Variants in ESRRG observed in about 807,000 individuals in gnomAD.
ESRRG encodes the protein estrogen related receptor gamma.
Under a neutral mutation model 44.0 loss-of-function variants are expected in ESRRG, and 13 were observed. The observed-to-expected ratio is 0.30, with a 90% CI of 0.19 to 0.47. The LOEUF is 0.47. Among genes scored for constraint, ESRRG ranks in the 20% least tolerant of loss-of-function variants. The pLI is 1.00. For synonymous variants in ESRRG, 215 were observed against 214.6 expected (o/e 1.00, Z -0.02); for missense variants, 395 against 580.6 (o/e 0.68, Z 3.29).
At chr1:216,786,568 A>G (rs560902183) in intron 2 of ESRRG, among the ~76,000 whole-genome samples, 4 of 152,252 alleles carry the variant, frequency 2.6e-5, no homozygotes, top group Admixed American at 1.3e-4. Context: ...ACATAAGATA[A>G]TATAGAAAAT....
At chr1:216,845,708 A>G (rs1335767486) in intron 2 of ESRRG, among the ~76,000 whole-genome samples, 1 of 152,088 alleles carries the variant, frequency 6.6e-6, no homozygotes, top group Non-Finnish European at 1.5e-5. Context: ...GGAACTTTCT[A>G]ACTCATCCTA....
rs369793478 is a variant in ESRRG, at chr1:216,679,633, CT to C, written c.57-2143del. 1.4e-3 allele frequency among the ~76,000 whole-genome samples: 204 copies of C among 140,780 alleles called. 1 individual carries two copies. Among genetic ancestry groups the C allele is most frequent in the African/African-American group, 2.9e-3 (111 of 37,924 alleles). 92.4% of individuals were successfully genotyped at this position (140,780 alleles called of 152,430 possible). On this transcript the variant is annotated intron_variant, in intron 1 of 6. Transcript: ENST00000408911. Reference sequence around the variant, plus strand: ...TTTTTTAATTTGGAATTTTTTTTTTCTTTTTTTTTTTTTTATCCAGAGGAGA... The same window carrying C: ...TTTTTTAATTTGGAATTTTTTTTTTCTTTTTTTTTTTTTATCCAGAGGAGA...
At chr1:216,924,503 G>A (rs1485924980) in intron 2 of ESRRG, among the ~76,000 whole-genome samples, 1 of 152,060 alleles carries the variant, frequency 6.6e-6, no homozygotes. Context: ...CATTCCATAA[G>A]CAAAAGAGCT....
At chr1:216,696,479 G>A (rs1453234387) in intron 1 of ESRRG, among the ~76,000 whole-genome samples, 1 of 151,888 alleles carries the variant, frequency 6.6e-6, no homozygotes, top group Non-Finnish European at 1.5e-5. Flanking sequence ...ACAAAACTGT[G>A]ACCAAATTAA....
rs188841803 is a variant in ESRRG at position 216,693,440 on chromosome 1, C to T, written c.57-15949G>A. Among the ~76,000 whole-genome samples, 4 of 152,226 alleles carry T rather than the reference C, an allele frequency of 2.6e-5. No homozygotes were observed. The East Asian group carries it at 7.7e-4, about 29-fold the overall frequency. ...AGTCACCACATCCAGTTTTAACATCCTTTTTAATGTGCAGTTGTCCCTCAG... is the reference window on the plus strand; with the variant it reads ...AGTCACCACATCCAGTTTTAACATCTTTTTTAATGTGCAGTTGTCCCTCAG... On this transcript the variant is annotated intron_variant, in intron 1 of 6. Transcript: ENST00000408911.
At chr1:216,880,737 T>C (rs2096433358) in intron 2 of ESRRG, among the ~76,000 whole-genome samples, 1 of 152,132 alleles carries the variant, frequency 6.6e-6, no homozygotes, top group Admixed American at 6.5e-5. Flanking sequence ...AAACACTAAA[T>C]ATGGCAGGAA....
intron 2 of ESRRG, among the ~76,000 whole-genome samples, chr1:216,735,029 C>T (rs2089613364): frequency 6.6e-6 from 1 of 151,368 alleles, no homozygotes; most frequent in Non-Finnish European, 1.5e-5. Flanking sequence ...CTGCCTCAGC[C>T]TCCCAAGTAG....
At chr1:216,933,948 G>A (rs1453179557) in intron 2 of ESRRG, among the ~76,000 whole-genome samples, 3 of 152,150 alleles carry the variant, frequency 2.0e-5, no homozygotes, top group Non-Finnish European at 4.4e-5. Context: ...CTTGCAGGAT[G>A]TCAGCACCCC....
chr1:217,066,312 T>C (rs746497760), intron 1 of ESRRG, among the ~76,000 whole-genome samples: 1 of 144,382 alleles, frequency 6.9e-6, no homozygotes, highest in Non-Finnish European at 1.5e-5. Context: ...TGGAGTGCAG[T>C]GGCGCGATCT....
intron 2 of ESRRG, among the ~76,000 whole-genome samples, chr1:216,771,030 G>A (rs1468018933): frequency 1.3e-5 from 2 of 152,060 alleles, no homozygotes; most frequent in East Asian, 1.9e-4. Flanking sequence ...TTTAAAGACA[G>A]GTTCTTGCTA....
chr1:217,126,378 G>A (rs192069888), intron 1 of ESRRG, among the ~76,000 whole-genome samples: 480 of 152,066 alleles, frequency 3.2e-3, no homozygotes, highest in African/African-American at 0.011. Context: ...ATTATATCAC[G>A]CCAAGTGGTA....
chr1:216,605,418 T>G (rs2059800195), intron 3 of ESRRG, among the ~76,000 whole-genome samples: 1 of 152,180 alleles, frequency 6.6e-6, no homozygotes, highest in Non-Finnish European at 1.5e-5. Flanking sequence ...CATTATGATC[T>G]TCACACAACA....
At chr1:217,122,909 T>C (rs954571260) in intron 1 of ESRRG, among the ~76,000 whole-genome samples, 5 of 151,926 alleles carry the variant, frequency 3.3e-5, no homozygotes, top group Non-Finnish European at 5.9e-5. Flanking sequence ...GGTCTCGAAC[T>C]CCCGACCTCA....
At chr1:216,752,989 A>G (rs1356133052) in intron 2 of ESRRG, among the ~76,000 whole-genome samples, 1 of 152,102 alleles carries the variant, frequency 6.6e-6, no homozygotes, top group Non-Finnish European at 1.5e-5. Flanking sequence ...ATTAAAAGTT[A>G]TCAAAATAAA....
At chr1:216,592,657 C>A (rs541890468) in intron 3 of ESRRG, among the ~76,000 whole-genome samples, 1 of 152,088 alleles carries the variant, frequency 6.6e-6, no homozygotes, top group Non-Finnish European at 1.5e-5. Context: ...TGCACCACCA[C>A]GCCCAGCTAA....
intron 2 of ESRRG, among the ~76,000 whole-genome samples, chr1:216,661,215 C>T (rs956833617): frequency 2.6e-5 from 4 of 152,082 alleles, no homozygotes; most frequent in Admixed American, 2.6e-4. Context: ...AGTTTTTAAG[C>T]TCTTATAGTA....
intron 2 of ESRRG, among the ~76,000 whole-genome samples, chr1:216,665,107 T>C (rs1342793613): frequency 1.3e-5 from 2 of 152,292 alleles, no homozygotes; most frequent in East Asian, 3.9e-4. Context: ...GTAAAATATT[T>C]TGAGAGACAG....
At chr1:216,818,637 C>A (rs1559753485) in intron 2 of ESRRG, among the ~76,000 whole-genome samples, 1 of 151,648 alleles carries the variant, frequency 6.6e-6, no homozygotes, top group Non-Finnish European at 1.5e-5. Flanking sequence ...TTCCAGGGTA[C>A]ATGTGCAGGA....
chr1:216,878,393 G>A (rs1033739390), intron 2 of ESRRG, among the ~76,000 whole-genome samples: 4 of 151,746 alleles, frequency 2.6e-5, no homozygotes, highest in South Asian at 2.1e-4. Flanking sequence ...TATGTTCTTC[G>A]TTAAATATAC....
Sources: allele counts gnomAD v4.1 joint callset (sites outside exome capture counted in the v4.1 genomes callset), GRCh38; gene constraint gnomAD v4.1.1; transcripts MANE v1.5; gene names NCBI Gene and HGNC (gene_info 2026-07-23, HGNC 2026-07-21).